The following ANO3 variants were observed in gnomAD, a reference collection of about 807,000 sequenced individuals.
ANO3 encodes anoctamin 3, also known as anoctamin-3.
A neutral mutation model predicts 144.8 loss-of-function variants in ANO3; 99 were observed. That is an observed-to-expected ratio of 0.68 (90% CI 0.58 to 0.81). The LOEUF is 0.81. Ranked by LOEUF, ANO3 falls within the 30% of genes least tolerant of loss-of-function variation. The pLI, the probability that ANO3 is intolerant of heterozygous loss-of-function variation, is 0.00. For synonymous variants in ANO3, 414 were observed against 392.6 expected (o/e 1.05, Z -0.64); for missense variants, 905 against 1,202.2 (o/e 0.75, Z 3.66).
chr11:26,352,807 T>C (rs1029226798), intron 1 of ANO3, among the ~76,000 whole-genome samples: 4 of 152,224 alleles, frequency 2.6e-5, no homozygotes, highest in African/African-American at 9.6e-5. Flanking sequence ...TGCCTATGCC[T>C]GATGGTTCAA....
intron 1 of ANO3, among the ~76,000 whole-genome samples, chr11:26,206,353 A>T (rs1300308272): frequency 6.6e-6 from 1 of 152,204 alleles, no homozygotes; most frequent in Non-Finnish European, 1.5e-5. Context: ...TCAAAAAATC[A>T]GAAATCTGCC....
intron 1 of ANO3, among the ~76,000 whole-genome samples, chr11:26,370,787 C>A (rs1273191428): frequency 6.6e-6 from 1 of 152,180 alleles, no homozygotes; most frequent in Non-Finnish European, 1.5e-5. Context: ...AAGAGACTGG[C>A]AGCATTTTGC....
At chr11:26,444,525 A>G (rs1296498632) in intron 3 of ANO3, among the ~76,000 whole-genome samples, 1 of 152,230 alleles carries the variant, frequency 6.6e-6, no homozygotes, top group African/African-American at 2.4e-5. Flanking sequence ...CTCAGTGCCT[A>G]CATAAGGAGT....
At chr11:26,544,271 T>TACAC (rs1269843589) in intron 11 of ANO3, among the ~76,000 whole-genome samples, 8 of 74,706 alleles carry the variant, frequency 1.1e-4, no homozygotes, top group South Asian at 5.4e-4. Flanking sequence ...TATATATATA[T>TACAC]ATACACACAT....
intron 1 of ANO3, among the ~76,000 whole-genome samples, chr11:26,227,199 A>T (rs1300632011): frequency 6.6e-6 from 1 of 152,136 alleles, no homozygotes; most frequent in Non-Finnish European, 1.5e-5. Context: ...TCACCCATGG[A>T]TGATTAACTG....
rs74347211 is a variant in ANO3, at chr11:26,564,986, C to T, written c.1447+5207C>T. Among the ~76,000 whole-genome samples the T allele has an allele frequency of 9.8e-4, 148 of 151,034 alleles. 3 individuals carry two copies. In the East Asian group the frequency reaches 0.027, roughly 28 times the overall value. Reference sequence around the variant, plus strand: ...AATGACTAGTATATGTTCATTGAAGCCCTAAAACCACTTCACTATTTCTAG... The same window carrying T: ...AATGACTAGTATATGTTCATTGAAGTCCTAAAACCACTTCACTATTTCTAG... On this transcript the variant is annotated intron_variant, in intron 14 of 26. Coordinates refer to ENST00000256737, the MANE Select transcript of ANO3 (RefSeq NM_031418.4).
chr11:26,615,045 G>A (rs147229750), intron 17 of ANO3, among the ~76,000 whole-genome samples: 1,684 of 150,346 alleles, frequency 0.011, 34 homozygotes, highest in African/African-American at 0.038. Context: ...TAACTTTTTC[G>A]GATCATTTGA....
At chr11:26,359,485 A>G (rs972607162) in intron 1 of ANO3, among the ~76,000 whole-genome samples, 1 of 152,294 alleles carries the variant, frequency 6.6e-6, no homozygotes, top group South Asian at 2.1e-4. Context: ...TCATACACGT[A>G]TGTACATGTA....
chr11:26,223,472 G>C (rs1289053171), intron 1 of ANO3, among the ~76,000 whole-genome samples: 1 of 151,816 alleles, frequency 6.6e-6, no homozygotes, highest in East Asian at 1.9e-4. Flanking sequence ...CTTCTTCTGA[G>C]CCCTCCAGAT....
rs930944977 is a variant in ANO3, at chr11:26,662,009, T to C, written c.*1565T>C. On this transcript the variant is annotated 3_prime_UTR_variant, in exon 27 of 27. Coordinates refer to ENST00000256737, the MANE Select transcript of ANO3 (RefSeq NM_031418.4). ...TATTTCTAACATATAAAAGACCAGA[T>C]CAAACACAATGGAAATAAAGCTACT... 1 of 152,056 alleles carries C rather than the reference T, an allele frequency of 6.6e-6. No individual in the cohort carries two copies. The highest frequency in any genetic ancestry group is 1.5e-5 in the Non-Finnish European group (1 of 67,980). The allele number at this position is 152,056 out of a possible 1,614,324, so 9.4% of individuals were successfully genotyped here. A position where few individuals can be genotyped will look rare whatever the true frequency, so the allele number is the denominator to read the frequency against.
chr11:26,474,165 C>A (rs1009459384), intron 4 of ANO3: 12 of 915,616 alleles, frequency 1.3e-5, no homozygotes, highest in Non-Finnish European at 1.6e-5. Context: ...GAATTCTATA[C>A]TATTTTTCTA....
chr11:26,434,462 T>C (rs895618130), intron 1 of ANO3, among the ~76,000 whole-genome samples: 8 of 152,216 alleles, frequency 5.3e-5, no homozygotes, highest in Non-Finnish European at 1.0e-4. Flanking sequence ...TCTTGTCTTC[T>C]GCTAGCTTTG....
intron 1 of ANO3, among the ~76,000 whole-genome samples, chr11:26,401,026 G>T (rs1857134391): frequency 1.3e-5 from 2 of 151,860 alleles, no homozygotes; most frequent in Non-Finnish European, 2.9e-5. Flanking sequence ...CGTTTCTATG[G>T]CTAAAAACCA....
At position 26,316,498 on chromosome 11, in the gene ANO3, G is replaced by A. The variant is rs1854628597; in HGVS notation, c.-3+6779G>A. Among the ~76,000 whole-genome samples the A allele has an allele frequency of 2.6e-5, 4 of 152,166 alleles. No homozygotes were observed. The South Asian group carries it at 8.3e-4, about 31-fold the overall frequency. On this transcript the variant is annotated intron_variant, in intron 1 of 26. Transcript: ENST00000525139. ...AAACAGAAACACAGTCTATCCATAA[G>A]CTATTTTTAGTAAGACACTAATCAG...
intron 1 of ANO3, among the ~76,000 whole-genome samples, chr11:26,228,029 T>C (rs982949684): frequency 2.0e-5 from 3 of 152,206 alleles, no homozygotes; most frequent in Admixed American, 6.5e-5. Context: ...CTGTTCAGTA[T>C]ACAAGTTGTC....
At chr11:26,606,051 C>T (rs1430819973) in intron 17 of ANO3, among the ~76,000 whole-genome samples, 6 of 152,168 alleles carry the variant, frequency 3.9e-5, no homozygotes, top group African/African-American at 1.4e-4. Flanking sequence ...TTAGATCTTT[C>T]CCACTTTCTC....
intron 1 of ANO3, among the ~76,000 whole-genome samples, chr11:26,354,603 A>AT (rs1453823326): frequency 6.6e-6 from 1 of 151,716 alleles, no homozygotes; most frequent in Non-Finnish European, 1.5e-5. Flanking sequence ...CTTTAGCTCT[A>AT]TTTTTTTTCT....
At chr11:26,302,224 C>T (rs765228864) in intron 1 of ANO3, among the ~76,000 whole-genome samples, 3 of 152,098 alleles carry the variant, frequency 2.0e-5, no homozygotes, top group East Asian at 3.9e-4. Flanking sequence ...TGGCCAGGTG[C>T]GGTGGCTCAC....
At chr11:26,555,949 A>G (rs1850070717) in intron 13 of ANO3, among the ~76,000 whole-genome samples, 1 of 152,156 alleles carries the variant, frequency 6.6e-6, no homozygotes, top group Non-Finnish European at 1.5e-5. Flanking sequence ...ACTGCTTGTG[A>G]CAAAGAAAAA....
Sources: allele counts gnomAD v4.1 joint callset (sites outside exome capture counted in the v4.1 genomes callset), GRCh38; gene constraint gnomAD v4.1.1; transcripts MANE v1.5; gene names NCBI Gene and HGNC (gene_info 2026-07-23, HGNC 2026-07-21).